Variants in SHISA9 observed in about 807,000 individuals in gnomAD.
SHISA9 encodes protein shisa-9.
Under a neutral mutation model 38.0 loss-of-function variants are expected in SHISA9, and 13 were observed. The ratio of observed to expected loss-of-function variants is 0.34; its 90% CI spans 0.22 to 0.54. The LOEUF (loss-of-function observed/expected upper bound fraction) is 0.54, where lower values mean the gene tolerates loss of function less well. SHISA9 is among the 20% of genes least tolerant of loss of function. SHISA9 has a pLI of 0.91. For missense variants in SHISA9, 538 were observed against 575.8 expected (o/e 0.93, Z 0.67); for synonymous variants, 275 against 242.0 (o/e 1.14, Z -1.27).
At chr16:13,549,079 T>C in the SHISA9 span, among the ~76,000 whole-genome samples, 1 of 152,226 alleles carries the variant, frequency 6.6e-6, no homozygotes, top group Admixed American at 6.5e-5. Context: ...TGGATGAATC[T>C]GGAGATCATT....
chr16:13,208,059 T>C (rs1486104713), intron 3 of SHISA9, among the ~76,000 whole-genome samples: 1 of 152,326 alleles, frequency 6.6e-6, no homozygotes, highest in East Asian at 1.9e-4. Flanking sequence ...GATCAGAGGC[T>C]CTGTCTCACT....
At chr16:13,538,868 T>C in the SHISA9 span, among the ~76,000 whole-genome samples, 1 of 152,076 alleles carries the variant, frequency 6.6e-6, no homozygotes, top group South Asian at 2.1e-4. Context: ...AAAACTTTAA[T>C]AACACAATCT....
chr16:13,314,948 A>G, the SHISA9 span, among the ~76,000 whole-genome samples: 1 of 152,210 alleles, frequency 6.6e-6, no homozygotes, highest in Non-Finnish European at 1.5e-5. Flanking sequence ...GCTCTCAACA[A>G]TTTGTTAAGA....
At chr16:12,908,887 G>A (rs1171935211) in intron 1 of SHISA9, 1 of 1,058,170 alleles carries the variant, frequency 9.5e-7, no homozygotes, top group Admixed American at 5.1e-5. Flanking sequence ...CCTTCAAACA[G>A]AATTGGAAAT....
intron 2 of SHISA9, among the ~76,000 whole-genome samples, chr16:13,067,891 C>G (rs2073453152): frequency 6.6e-6 from 1 of 152,232 alleles, no homozygotes; most frequent in Non-Finnish European, 1.5e-5. Flanking sequence ...CCTCCTCAAC[C>G]TTCAGATCTC....
At chr16:13,401,947 G>C in the SHISA9 span, among the ~76,000 whole-genome samples, 2 of 152,104 alleles carry the variant, frequency 1.3e-5, no homozygotes, top group Non-Finnish European at 2.9e-5. Flanking sequence ...CAGATCTCAT[G>C]AGACTCATCC....
the SHISA9 span, among the ~76,000 whole-genome samples, chr16:13,436,035 CT>C: frequency 2.0e-5 from 3 of 152,164 alleles, no homozygotes; most frequent in African/African-American, 7.2e-5. Context: ...GAAGGGTCAG[CT>C]ATCTGAACTG....
chr16:13,325,518 T>C, the SHISA9 span, among the ~76,000 whole-genome samples: 180 of 152,240 alleles, frequency 1.2e-3, no homozygotes, highest in African/African-American at 4.0e-3. Context: ...GAATATTATT[T>C]TGGGGTTAGA....
chr16:13,070,440 T>A (rs1185430128), intron 2 of SHISA9, among the ~76,000 whole-genome samples: 1 of 152,196 alleles, frequency 6.6e-6, no homozygotes, highest in Non-Finnish European at 1.5e-5. Flanking sequence ...GCGGGCAGAT[T>A]TTTTGGGTGA....
chr16:13,431,224 C>T, the SHISA9 span, among the ~76,000 whole-genome samples: 5 of 152,174 alleles, frequency 3.3e-5, no homozygotes, highest in Middle Eastern at 3.2e-3. Context: ...GCCTTTTTCT[C>T]CAACTAAATG....
chr16:13,238,020 C>T lies in SHISA9; in HGVS notation c.*2611C>T, dbSNP rs969120246. On this transcript the variant is annotated 3_prime_UTR_variant, in exon 5 of 5. Coordinates refer to ENST00000558583, the MANE Select transcript of SHISA9 (RefSeq NM_001145204.3). ...TCAGTTGCCATAAATAGAAAGCAAA[C>T]ATAAAAATAAGTACAAAGGAAACAA... is the stretch of plus-strand genomic sequence containing the variant. 8 of 152,060 alleles carry T rather than the reference C, an allele frequency of 5.3e-5. No individual in the cohort carries two copies. Among genetic ancestry groups the T allele is most frequent in the African/African-American group, 1.9e-4 (8 of 41,418 alleles). 9.4% of individuals were successfully genotyped at this position (152,060 alleles called of 1,614,324 possible).
At position 13,237,133 on chromosome 16, in the gene SHISA9, A is replaced by G. The variant is rs1007808620; in HGVS notation, c.*1724A>G. On this transcript the variant is annotated 3_prime_UTR_variant, in exon 5 of 5. Transcript: ENST00000558583. ...TCAGAAGCTATAAATGGTCTGGCCA[A>G]ACAAGACTCAGAGTATTTTCTGAAA... 1.3e-5 allele frequency: 2 copies of G among 152,216 alleles called. No individual in the cohort carries two copies. Among genetic ancestry groups the G allele is most frequent in the African/African-American group, 4.8e-5 (2 of 41,456 alleles). 9.4% of individuals were successfully genotyped at this position (152,216 alleles called of 1,614,324 possible).
At chr16:13,210,142 A>C (rs2142062266) in intron 3 of SHISA9, among the ~76,000 whole-genome samples, 1 of 152,298 alleles carries the variant, frequency 6.6e-6, no homozygotes, top group African/African-American at 2.4e-5. Context: ...GGTGGTTCAG[A>C]GAGGGATGAT....
the SHISA9 span, among the ~76,000 whole-genome samples, chr16:13,409,006 C>T: frequency 3.3e-5 from 5 of 152,318 alleles, no homozygotes; most frequent in East Asian, 7.7e-4. Flanking sequence ...CCACACCCCA[C>T]TATCCTGTAC....
At chr16:13,193,733 G>A (rs2050910060) in intron 2 of SHISA9, among the ~76,000 whole-genome samples, 1 of 152,206 alleles carries the variant, frequency 6.6e-6, no homozygotes, top group South Asian at 2.1e-4. Context: ...GAATGAAGTG[G>A]AAGGAAACCC....
the SHISA9 span, among the ~76,000 whole-genome samples, chr16:13,349,812 A>G: frequency 4.6e-5 from 7 of 152,232 alleles, no homozygotes; most frequent in African/African-American, 1.7e-4. Context: ...TTAGATGAAC[A>G]GAAAAAGGAG....
At chr16:13,419,207 T>C in the SHISA9 span, among the ~76,000 whole-genome samples, 115,214 of 152,118 alleles carry the variant, frequency 0.76, 43,817 homozygotes, top group Admixed American at 0.83. Context: ...CGTAAGACAA[T>C]GTAACAGCTG....
At chr16:13,119,309 C>T (rs1232660253) in intron 2 of SHISA9, among the ~76,000 whole-genome samples, 1 of 152,134 alleles carries the variant, frequency 6.6e-6, no homozygotes, top group African/African-American at 2.4e-5. Flanking sequence ...GATTTTAGAA[C>T]CTGGGTTTTC....
At chr16:13,212,113 G>GCTCT (rs2051126248) in intron 3 of SHISA9, among the ~76,000 whole-genome samples, 34 of 152,292 alleles carry the variant, frequency 2.2e-4, no homozygotes, top group African/African-American at 7.2e-4. Flanking sequence ...GTTTAAATGG[G>GCTCT]GCCGGATCTG....
Sources: allele counts gnomAD v4.1 joint callset (sites outside exome capture counted in the v4.1 genomes callset), GRCh38; gene constraint gnomAD v4.1.1; transcripts MANE v1.5; gene names NCBI Gene and HGNC (gene_info 2026-07-23, HGNC 2026-07-21).